Variants in VPS45 observed in about 807,000 individuals in gnomAD.
The protein encoded by VPS45 is vacuolar protein sorting 45 homolog.
VPS45 carries 35 observed loss-of-function variants against 75.9 expected under a neutral mutation model. That is an observed-to-expected ratio of 0.46 (90% CI 0.35 to 0.61). The LOEUF (loss-of-function observed/expected upper bound fraction) is 0.61, where lower values mean the gene tolerates loss of function less well. Among genes scored for constraint, VPS45 ranks in the 20% least tolerant of loss-of-function variants. The probability of loss-of-function intolerance (pLI) is 0.00; values close to 1 mark genes in which losing one functional copy is unlikely to be tolerated. For synonymous variants in VPS45, 220 were observed against 238.2 expected (o/e 0.92, Z 0.70); for missense variants, 559 against 685.9 (o/e 0.81, Z 2.07).
At position 150,128,842 on chromosome 1, in the gene VPS45, C is replaced by T. The variant is rs192667961; in HGVS notation, c.1626-15867C>T. On this transcript the variant is annotated intron_variant, in intron 14 of 14. Transcript: ENST00000644510. Reference sequence around the variant, plus strand: ...GCAACCTCCGCCTCCCGGGTTCAAGCGATTCTCCTGCCACAAAGTCCCAAG... The same window carrying T: ...GCAACCTCCGCCTCCCGGGTTCAAGTGATTCTCCTGCCACAAAGTCCCAAG... Among the ~76,000 whole-genome samples the T allele has an allele frequency of 2.6e-5, 4 of 152,068 alleles. No individual in the cohort carries two copies. The South Asian group carries it at 8.3e-4, about 32-fold the overall frequency.
intron 14 of VPS45, among the ~76,000 whole-genome samples, chr1:150,130,439 G>C (rs1308565457): frequency 2.0e-5 from 3 of 151,882 alleles, no homozygotes; most frequent in Admixed American, 6.6e-5. Context: ...TGATCTGCCT[G>C]CCTCAGCCTC....
intron 14 of VPS45, among the ~76,000 whole-genome samples, chr1:150,141,198 T>C (rs1382430610): frequency 1.3e-5 from 2 of 152,218 alleles, no homozygotes; most frequent in African/African-American, 4.8e-5. Flanking sequence ...AAGACAAATA[T>C]CTTGGGGTTT....
At position 150,072,950 on chromosome 1, in the gene VPS45, CCAGATA is replaced by C. The variant is rs1655166943; in HGVS notation, c.289+725_289+730del. On this transcript the variant is annotated intron_variant, in intron 3 of 14. Transcript: ENST00000644510. Reference sequence around the variant, plus strand: ...GAAAAGCAGAAATTTACTTTACATACCAGATAAAAGCCTTTCACTTCTCTTTGTTAC... The same window carrying C: ...GAAAAGCAGAAATTTACTTTACATACAAAGCCTTTCACTTCTCTTTGTTAC... Among the ~76,000 whole-genome samples the C allele has an allele frequency of 5.3e-5, 8 of 152,122 alleles. No individual in the cohort carries two copies. The South Asian group carries it at 1.7e-3, about 32-fold the overall frequency.
At chr1:150,113,591 T>A (rs1271007090) in intron 14 of VPS45, among the ~76,000 whole-genome samples, 1 of 152,252 alleles carries the variant, frequency 6.6e-6, no homozygotes, top group East Asian at 1.9e-4. Flanking sequence ...TTAAAAGATA[T>A]TTTTTGAATA....
chr1:150,076,907 T>C lies in VPS45; in HGVS notation c.370-9T>C, dbSNP rs2101518189. The stretch of plus-strand genomic sequence containing the variant: ...TATGGAATGACTATTCTTGGTGCTT[T>C]ATTTGCAGGAATTTTATGGTGATTA... On this transcript the variant is annotated splice_polypyrimidine_tract_variant and intron_variant, in intron 4 of 14. Transcript: ENST00000644510. 1 of 1,614,006 alleles carries C rather than the reference T, an allele frequency of 6.2e-7. No homozygotes were observed. Among genetic ancestry groups the C allele is most frequent in the Non-Finnish European group, 8.5e-7 (1 of 1,179,960 alleles).
intron 13 of VPS45, among the ~76,000 whole-genome samples, chr1:150,095,675 A>C (rs944433052): frequency 1.3e-5 from 2 of 151,940 alleles, no homozygotes; most frequent in Non-Finnish European, 2.9e-5. Context: ...AGAGGGAAAC[A>C]CCAGAGCAAA....
At position 150,095,876 on chromosome 1, in the gene VPS45, G is replaced by A. The variant is rs1329934238; in HGVS notation, c.1493+2228G>A. ...GAAGCCATTGAAGAGTTAAGCATAT[G>A]AGTAACATGAACTTAATTGTGTTTT... is the stretch of plus-strand genomic sequence containing the variant. On this transcript the variant is annotated intron_variant, in intron 13 of 14. Transcript: ENST00000644510. Among the ~76,000 whole-genome samples the A allele has an allele frequency of 1.7e-4, 26 of 152,084 alleles. 1 individual carries two copies. Among genetic ancestry groups the A allele is most frequent in the Admixed American group, 1.7e-3 (26 of 15,280 alleles).
At chr1:150,129,027 G>C (rs1553811591) in intron 14 of VPS45, among the ~76,000 whole-genome samples, 1 of 152,106 alleles carries the variant, frequency 6.6e-6, no homozygotes, top group Non-Finnish European at 1.5e-5. Flanking sequence ...CCGGCAAAGA[G>C]ATTTTCTTTG....
chr1:150,080,375 C>G (rs1242642372), intron 7 of VPS45, among the ~76,000 whole-genome samples: 2 of 152,098 alleles, frequency 1.3e-5, no homozygotes, highest in African/African-American at 4.8e-5. Context: ...AACTCCCGAC[C>G]TTAAGTGATC....
chr1:150,134,099 A>G (rs999387493), intron 14 of VPS45, among the ~76,000 whole-genome samples: 1 of 152,216 alleles, frequency 6.6e-6, no homozygotes, highest in African/African-American at 2.4e-5. Flanking sequence ...AGAAAGTGTC[A>G]TAGGGTAAAA....
intron 14 of VPS45, among the ~76,000 whole-genome samples, chr1:150,119,710 G>T (rs964350178): frequency 5.3e-5 from 8 of 152,184 alleles, no homozygotes; most frequent in Non-Finnish European, 1.2e-4. Context: ...TCTTGTCACT[G>T]TGTGATGTAT....
intron 14 of VPS45, among the ~76,000 whole-genome samples, chr1:150,122,314 T>C (rs1337312393): frequency 6.6e-6 from 1 of 151,396 alleles, no homozygotes; most frequent in Non-Finnish European, 1.5e-5. Flanking sequence ...GAAAGAAGAG[T>C]GTGCAAAGAC....
chr1:150,107,944 A>G (rs377185908), intron 13 of VPS45, among the ~76,000 whole-genome samples: 4 of 152,206 alleles, frequency 2.6e-5, no homozygotes, highest in East Asian at 3.9e-4. Flanking sequence ...TGAGAACCCC[A>G]TGACCTGTGA....
chr1:150,072,265 A>G (rs1553797229), intron 3 of VPS45, 39 bp downstream of exon 3: 2 of 1,467,592 alleles, frequency 1.4e-6, no homozygotes, highest in South Asian at 2.4e-5. Flanking sequence ...ATGTAACAAC[A>G]TCCCAGTTAG....
intron 13 of VPS45, among the ~76,000 whole-genome samples, chr1:150,096,890 C>T (rs1421241890): frequency 2.6e-5 from 4 of 152,100 alleles, no homozygotes; most frequent in Admixed American, 2.6e-4. Context: ...CACAAAGATA[C>T]TTAAGCCAGG....
rs1415553849 is a variant in VPS45, at chr1:150,124,552, C to CTTTTTTTTTT, written c.1625+13929_1625+13938dup. Among the ~76,000 whole-genome samples, 54 of 140,196 alleles carry CTTTTTTTTTT rather than the reference C, an allele frequency of 3.9e-4. 7 individuals carry two copies. The highest frequency in any genetic ancestry group is 6.1e-4 in the East Asian group (3 of 4,940). The allele number at this position is 140,196 out of a possible 152,430, so 92.0% of individuals were successfully genotyped here. ...AATATGTTGGCTTTTTTTCTTTTTT[C>CTTTTTTTTTT]TTTTTTTTTTTTTGAGACAGAGTCT... is the stretch of plus-strand genomic sequence containing the variant. On this transcript the variant is annotated intron_variant, in intron 14 of 14. Coordinates refer to ENST00000644510, the MANE Select transcript of VPS45 (RefSeq NM_007259.5).
intron 13 of VPS45, among the ~76,000 whole-genome samples, chr1:150,096,419 A>G (rs587618824): frequency 6.6e-6 from 1 of 152,210 alleles, no homozygotes; most frequent in Non-Finnish European, 1.5e-5. Context: ...TTTTGAATTC[A>G]AGATTTCATA....
intron 14 of VPS45, among the ~76,000 whole-genome samples, chr1:150,118,618 C>T (rs1553808928): frequency 6.6e-6 from 1 of 152,106 alleles, no homozygotes; most frequent in African/African-American, 2.4e-5. Context: ...GTTGGCCAGG[C>T]TGGTCTCGAA....
chr1:150,097,489 C>T (rs188901821), intron 13 of VPS45, among the ~76,000 whole-genome samples: 1 of 151,534 alleles, frequency 6.6e-6, no homozygotes, highest in African/African-American at 2.4e-5. Context: ...GGAGGCCGAG[C>T]GGGCAGATTC....
Sources: allele counts gnomAD v4.1 joint callset (sites outside exome capture counted in the v4.1 genomes callset), GRCh38; gene constraint gnomAD v4.1.1; transcripts MANE v1.5; gene names NCBI Gene and HGNC (gene_info 2026-07-23, HGNC 2026-07-21).